Variants in PRICKLE2 observed in about 807,000 individuals in gnomAD.
PRICKLE2 encodes prickle-like protein 2.
Under a neutral mutation model 81.4 loss-of-function variants are expected in PRICKLE2, and 21 were observed. That is an observed-to-expected ratio of 0.26 (90% CI 0.18 to 0.37). The LOEUF is 0.37. PRICKLE2 is among the 10% of genes least tolerant of loss of function. The pLI, the probability that PRICKLE2 is intolerant of heterozygous loss-of-function variation, is 1.00. For missense variants in PRICKLE2, 940 were observed against 1,109.0 expected, an observed-to-expected ratio of 0.85 and a Z score of 2.16; for synonymous variants, 456 against 421.5, an observed-to-expected ratio of 1.08 and a Z score of -1.00.
At chr3:64,248,032 G>T (rs558375772) in intron 2 of PRICKLE2, among the ~76,000 whole-genome samples, 1 of 152,098 alleles carries the variant, frequency 6.6e-6, no homozygotes, top group Middle Eastern at 3.2e-3. Context: ...CCAACCATCC[G>T]CTATAAAACT....
intron 7 of PRICKLE2, among the ~76,000 whole-genome samples, chr3:64,110,348 C>G (rs188358680): frequency 6.6e-6 from 1 of 152,310 alleles, no homozygotes; most frequent in Non-Finnish European, 1.5e-5. Context: ...AGCCAAGAAC[C>G]TGGGGACCCA....
chr3:64,175,199 T>C (rs949993465), intron 2 of PRICKLE2: 1 of 169,664 alleles, frequency 5.9e-6, no homozygotes, highest in Admixed American at 5.7e-5. Context: ...GGAACCCCAG[T>C]TGAAACCTGC....
At chr3:64,139,390 A>T (rs2077326481) in intron 7 of PRICKLE2, among the ~76,000 whole-genome samples, 1 of 152,156 alleles carries the variant, frequency 6.6e-6, no homozygotes, top group South Asian at 2.1e-4. Context: ...GTCTCCCAGG[A>T]CCCACTCCCC....
At chr3:64,162,477 G>A (rs956981913) in intron 3 of PRICKLE2, among the ~76,000 whole-genome samples, 1 of 152,158 alleles carries the variant, frequency 6.6e-6, no homozygotes, top group Non-Finnish European at 1.5e-5. Flanking sequence ...ACTTTCAAGA[G>A]TACAAAGAAC....
chr3:64,126,759 G>T (rs534316943), intron 7 of PRICKLE2, among the ~76,000 whole-genome samples: 1 of 152,044 alleles, frequency 6.6e-6, no homozygotes, highest in Non-Finnish European at 1.5e-5. Flanking sequence ...TGTATTTTTA[G>T]TGGAGACGGG....
At chr3:64,244,323 T>C (rs1363955063) in intron 2 of PRICKLE2, among the ~76,000 whole-genome samples, 1 of 152,126 alleles carries the variant, frequency 6.6e-6, no homozygotes, top group African/African-American at 2.4e-5. Flanking sequence ...ATGCTCCAAT[T>C]TGTATACTTA....
intron 2 of PRICKLE2, among the ~76,000 whole-genome samples, chr3:64,165,007 T>G (rs933070085): frequency 6.6e-6 from 1 of 152,200 alleles, no homozygotes; most frequent in Non-Finnish European, 1.5e-5. Flanking sequence ...GAAGACTGCT[T>G]GTAGAAAGGC....
chr3:64,114,362 T>C (rs1033590148), intron 7 of PRICKLE2, among the ~76,000 whole-genome samples: 2 of 152,150 alleles, frequency 1.3e-5, no homozygotes, highest in African/African-American at 2.4e-5. Flanking sequence ...GAATCATAAC[T>C]GGGCTGAGGC....
chr3:64,198,943 A>T lies in PRICKLE2; in HGVS notation c.-16T>A. 6.2e-7 allele frequency: 1 copy of T among 1,613,994 alleles called. No individual in the cohort carries two copies. The highest frequency in any genetic ancestry group is 8.5e-7 in the Non-Finnish European group (1 of 1,180,020). ...CTGTCACCATGTGCTCCTCCTGGGGACACTTGCAGTGCAGGCAGATCTTCC... is the reference window on the plus strand; with the variant it reads ...CTGTCACCATGTGCTCCTCCTGGGGTCACTTGCAGTGCAGGCAGATCTTCC... On this transcript the variant is annotated 5_prime_UTR_variant, in exon 2 of 8. Transcript: ENST00000638394.
intron 2 of PRICKLE2, among the ~76,000 whole-genome samples, chr3:64,245,395 C>T (rs551595536): frequency 6.6e-6 from 1 of 152,194 alleles, no homozygotes; most frequent in South Asian, 2.1e-4. Flanking sequence ...ATGCTAGTGG[C>T]CCTCACCTCT....
At chr3:64,111,939 G>A (rs1384860263) in intron 7 of PRICKLE2, among the ~76,000 whole-genome samples, 1 of 152,138 alleles carries the variant, frequency 6.6e-6, no homozygotes, top group African/African-American at 2.4e-5. Flanking sequence ...TTATAACTGA[G>A]AGGCAAGAAT....
chr3:64,152,451 T>C (rs1245539011), intron 6 of PRICKLE2, among the ~76,000 whole-genome samples: 1 of 152,184 alleles, frequency 6.6e-6, no homozygotes, highest in African/African-American at 2.4e-5. Context: ...AGAGGGAAAA[T>C]GATTTTCACC....
At chr3:64,264,542 C>T (rs2079668872) in intron 2 of PRICKLE2, among the ~76,000 whole-genome samples, 1 of 152,128 alleles carries the variant, frequency 6.6e-6, no homozygotes, top group African/African-American at 2.4e-5. Flanking sequence ...TATAATATGG[C>T]AAGATGAGAC....
rs553601467 is a variant in PRICKLE2 at position 64,195,689 on chromosome 3, T to C, written c.144+3095A>G. On this transcript the variant is annotated intron_variant, in intron 2 of 7. Transcript: ENST00000638394. Reference sequence around the variant, plus strand: ...ATACAGCTTTCTAAAAAAAAACCTTTAAATTCATAAACAGTGCTATACGTA... The same window carrying C: ...ATACAGCTTTCTAAAAAAAAACCTTCAAATTCATAAACAGTGCTATACGTA... Among the ~76,000 whole-genome samples, 42 of 152,330 alleles carry C rather than the reference T, an allele frequency of 2.8e-4. 1 individual carries two copies. The South Asian group carries it at 8.1e-3, about 29-fold the overall frequency.
intron 2 of PRICKLE2, among the ~76,000 whole-genome samples, chr3:64,261,553 G>A (rs552130203): frequency 1.3e-5 from 2 of 152,262 alleles, no homozygotes; most frequent in African/African-American, 2.4e-5. Flanking sequence ...GCTGTGGAGT[G>A]TAGTCATGGA....
chr3:64,240,605 T>C (rs6801029), intron 2 of PRICKLE2, among the ~76,000 whole-genome samples: 71,991 of 151,514 alleles, frequency 0.48, 18,466 homozygotes, highest in Non-Finnish European at 0.57. Context: ...CTGGACAACT[T>C]AGTCACTTGC....
chr3:64,151,262 T>C (rs1413833891), intron 6 of PRICKLE2, among the ~76,000 whole-genome samples: 1 of 152,234 alleles, frequency 6.6e-6, no homozygotes, highest in African/African-American at 2.4e-5. Context: ...AAAGTGGATT[T>C]AAAACAAACA....
intron 4 of PRICKLE2, among the ~76,000 whole-genome samples, chr3:64,158,622 T>C (rs1045905488): frequency 2.0e-5 from 3 of 152,192 alleles, no homozygotes; most frequent in Admixed American, 2.0e-4. Context: ...CCTTCTCCCT[T>C]AGGCAAACTC....
chr3:64,106,524 C>T (rs2076758205), intron 7 of PRICKLE2, among the ~76,000 whole-genome samples: 1 of 152,228 alleles, frequency 6.6e-6, no homozygotes, highest in Non-Finnish European at 1.5e-5. Context: ...GCCTGATGCA[C>T]TGATATCCAC....
Sources: gnomAD v4.1 joint callset for allele counts (sites outside exome capture counted in the v4.1 genomes callset) on GRCh38, gnomAD v4.1.1 for gene constraint, MANE v1.5 for transcripts, NCBI Gene and HGNC (gene_info 2026-07-23, HGNC 2026-07-21) for gene names.